CD8B: variants seen among roughly 807,000 people sequenced by gnomAD.
The protein encoded by CD8B is CD8 subunit beta, also known as T-cell surface glycoprotein CD8 beta chain.
CD8B carries 6 observed loss-of-function variants against 24.2 expected under a neutral mutation model. The observed-to-expected ratio is 0.25, with a 90% confidence interval of 0.14 to 0.49. CD8B has a LOEUF of 0.49. Ranked by LOEUF, CD8B falls within the 20% of genes least tolerant of loss-of-function variation. The pLI, the probability that CD8B is intolerant of heterozygous loss-of-function variation, is 0.98. For missense variants in CD8B, 196 were observed against 271.3 expected (o/e 0.72, Z 1.95); for synonymous variants, 84 against 108.3 (o/e 0.78, Z 1.39).
rs1429295917 is a variant in CD8B at position 86,852,979 on chromosome 2, G to T, written c.493+18C>A. 1 of 1,499,410 alleles carries T rather than the reference G, an allele frequency of 6.7e-7. No homozygotes were observed. Among genetic ancestry groups the T allele is most frequent in the East Asian group, 2.5e-5 (1 of 40,450 alleles). 92.9% of individuals were successfully genotyped at this position (1,499,410 alleles called of 1,614,324 possible). ...TGTCTGCCTTGTTTCTGAGGGTGCA[G>T]AGGGATAGGGAACTCACCCTTCTGG... On this transcript the variant is annotated intron_variant, in intron 3 of 5. Coordinates refer to ENST00000390655, the MANE Select transcript of CD8B (RefSeq NM_004931.5).
At chr2:86,820,593 C>T (rs1405813191) in intron 5 of CD8B, among the ~76,000 whole-genome samples, 1 of 151,954 alleles carries the variant, frequency 6.6e-6, no homozygotes, top group Non-Finnish European at 1.5e-5. Context: ...ATAGGGTAAA[C>T]ATAACTTTTA....
At chr2:86,846,083 C>A (rs1675660391) in intron 4 of CD8B, among the ~76,000 whole-genome samples, 1 of 152,102 alleles carries the variant, frequency 6.6e-6, no homozygotes. Context: ...GCAGGCCTCC[C>A]CTCTGGCTCC....
At chr2:86,844,164 T>A (rs1335499919) in intron 5 of CD8B, among the ~76,000 whole-genome samples, 1 of 151,738 alleles carries the variant, frequency 6.6e-6, no homozygotes, top group African/African-American at 2.4e-5. Flanking sequence ...CAAAGCAACT[T>A]GCAAAGGTGG....
chr2:86,860,214 G>A (rs1208809160), intron 1 of CD8B, among the ~76,000 whole-genome samples: 1 of 152,258 alleles, frequency 6.6e-6, no homozygotes, highest in Non-Finnish European at 1.5e-5. Context: ...AGATTGCAGT[G>A]AGCCAAGATT....
At chr2:86,815,617 A>G in exon 6 of CD8B, 1 of 1,600,552 alleles carries the variant, frequency 6.2e-7, no homozygotes, top group Non-Finnish European at 8.6e-7. Context: ...CTATGTTTTC[A>G]GGATCCATGG....
At chr2:86,832,924 C>T (rs376229678) in intron 5 of CD8B, 38 of 218,592 alleles carry the variant, frequency 1.7e-4, no homozygotes, top group African/African-American at 1.1e-3. Flanking sequence ...GGTCTCCTCT[C>T]CTCTCCTCTC....
intron 5 of CD8B, chr2:86,815,745 T>C (rs1674216205): frequency 8.4e-7 from 1 of 1,187,834 alleles, no homozygotes; most frequent in Non-Finnish European, 1.3e-6. Flanking sequence ...CAAGAGAGTC[T>C]CAATACATGC....
At chr2:86,833,474 C>T (rs1434731996), downstream of CD8B, among the ~76,000 whole-genome samples, 12 of 149,412 alleles carry the variant, frequency 8.0e-5, no homozygotes, top group African/African-American at 2.2e-4. Flanking sequence ...GCACCGCACC[C>T]GGCCCTCTCC....
intron 5 of CD8B, among the ~76,000 whole-genome samples, chr2:86,831,457 G>A (rs4832054): frequency 0.27 from 40,590 of 152,182 alleles, 5,858 homozygotes; most frequent in Non-Finnish European, 0.33. Flanking sequence ...CATCACTTCA[G>A]TGATTGAAAT....
rs1320103643 is a variant in CD8B at position 86,842,110 on chromosome 2, G to C, written c.*197C>G. 2.2e-5 allele frequency: 30 copies of C among 1,390,320 alleles called. No homozygotes were observed. The highest frequency in any genetic ancestry group is 2.8e-5 in the Non-Finnish European group (30 of 1,067,828). The allele number at this position is 1,390,320 out of a possible 1,614,324, so 86.1% of individuals were successfully genotyped here. A position where few individuals can be genotyped will look rare whatever the true frequency, so the allele number is the denominator to read the frequency against. ...TGGGGGCAATGAAACCTTCTCCCTA[G>C]TATTCCCGATGACCCACGAACAAGT... is the stretch of plus-strand genomic sequence containing the variant. On this transcript the variant is annotated 3_prime_UTR_variant, in exon 6 of 6. Coordinates refer to ENST00000390655, the MANE Select transcript of CD8B (RefSeq NM_004931.5).
intron 5 of CD8B, among the ~76,000 whole-genome samples, chr2:86,827,640 G>A (rs1311731913): frequency 6.7e-6 from 1 of 150,298 alleles, no homozygotes; most frequent in Non-Finnish European, 1.5e-5. Context: ...AAAAAAAAAT[G>A]TGGGGTAGAC....
rs574311835 is a variant in CD8B, at chr2:86,841,530, A to C, written c.*777T>G. 1.1e-6 allele frequency: 1 copy of C among 941,158 alleles called. No homozygotes were observed. Among genetic ancestry groups the C allele is most frequent in the Non-Finnish European group, 1.3e-6 (1 of 789,926 alleles). The allele number at this position is 941,158 out of a possible 1,614,324, so 58.3% of individuals were successfully genotyped here. ...CCTTCTGGTTTCTGTTCCACGGAGC[A>C]CTGATGTCTTTGCTGTAGATGGGCT... On this transcript the variant is annotated 3_prime_UTR_variant, in exon 6 of 6. Transcript: ENST00000390655.
At chr2:86,843,220 GTAGCTGGGATTACA>G (rs377387377) in intron 5 of CD8B, among the ~76,000 whole-genome samples, 2,845 of 152,248 alleles carry the variant, frequency 0.019, 95 homozygotes, top group African/African-American at 0.065. Flanking sequence ...AGCCTCTCGA[GTAGCTGGGATTACA>G]TAGGCGCCTG....
intron 5 of CD8B, among the ~76,000 whole-genome samples, chr2:86,824,879 TA>T (rs1174253388): frequency 6.6e-6 from 1 of 152,230 alleles, no homozygotes; most frequent in African/African-American, 2.4e-5. Flanking sequence ...AATACTTGTA[TA>T]CCAAGTAAAT....
At chr2:86,843,620 G>A (rs1675536813) in intron 5 of CD8B, 2 of 980,618 alleles carry the variant, frequency 2.0e-6, no homozygotes, top group Non-Finnish European at 2.4e-6. Context: ...AATTTATATG[G>A]CTATTTACAA....
intron 2 of CD8B, among the ~76,000 whole-genome samples, chr2:86,855,663 G>A (rs1676199622): frequency 6.6e-6 from 1 of 152,216 alleles, no homozygotes; most frequent in Admixed American, 6.5e-5. Context: ...CATCAGCAGG[G>A]TCGGAGAGCG....
chr2:86,861,373 C>T (rs551186482), intron 1 of CD8B, among the ~76,000 whole-genome samples: 14 of 152,154 alleles, frequency 9.2e-5, no homozygotes, highest in African/African-American at 2.9e-4. Context: ...TGAGAACGCC[C>T]GATGTTTGTC....
At chr2:86,843,200 C>T (rs1013725869) in intron 5 of CD8B, among the ~76,000 whole-genome samples, 1 of 152,260 alleles carries the variant, frequency 6.6e-6, no homozygotes, top group African/African-American at 2.4e-5. Flanking sequence ...TCAAGTGATT[C>T]TCTTACCTCA....
intron 5 of CD8B, chr2:86,844,650 A>T (rs1158437718): frequency 1.1e-5 from 14 of 1,240,438 alleles, no homozygotes; most frequent in Non-Finnish European, 1.3e-5. Context: ...ACAGTCTGTA[A>T]TTTTTTTTTT....
Sources: allele counts gnomAD v4.1 joint callset (sites outside exome capture counted in the v4.1 genomes callset), GRCh38; gene constraint gnomAD v4.1.1; transcripts MANE v1.5; gene names NCBI Gene and HGNC (gene_info 2026-07-23, HGNC 2026-07-21).